Variants in ANO2 observed in about 807,000 individuals in gnomAD.
ANO2 encodes the protein anoctamin-2.
A neutral mutation model predicts 124.2 loss-of-function variants in ANO2; 101 were observed. The observed-to-expected ratio is 0.81, with a 90% CI of 0.69 to 0.96. The LOEUF (loss-of-function observed/expected upper bound fraction) is 0.96. ANO2 is among the 40% of genes least tolerant of loss of function. The probability of loss-of-function intolerance (pLI) is 0.00; values close to 1 mark genes in which losing one functional copy is unlikely to be tolerated. For synonymous variants in ANO2, 486 were observed against 482.5 expected (o/e 1.01, Z -0.09); for missense variants, 1,293 against 1,274.5 (o/e 1.01, Z -0.22).
intron 14 of ANO2, among the ~76,000 whole-genome samples, chr12:5,655,253 C>T (rs988878247): frequency 3.3e-5 from 5 of 152,034 alleles, no homozygotes; most frequent in African/African-American, 4.8e-5. Flanking sequence ...GAGAGATGTC[C>T]CTCCCTCTTG....
intron 10 of ANO2, among the ~76,000 whole-genome samples, chr12:5,786,055 C>T (rs1439415033): frequency 6.6e-6 from 1 of 151,294 alleles, no homozygotes; most frequent in African/African-American, 2.4e-5. Context: ...TGAGAGAAAT[C>T]CAGGGACTTG....
rs535798349 is a variant in ANO2 at position 5,593,546 on chromosome 12, C to T, written c.2233+5938G>A. Reference sequence around the variant, plus strand: ...TTTAATAATTAGGGCACAGCCTACACTCACAGTACAGGAAGAACCTCCAGA... The same window carrying T: ...TTTAATAATTAGGGCACAGCCTACATTCACAGTACAGGAAGAACCTCCAGA... On this transcript the variant is annotated intron_variant, in intron 20 of 24. Transcript: ENST00000682330. Among the ~76,000 whole-genome samples the T allele has an allele frequency of 9.2e-5, 14 of 152,312 alleles. No homozygotes were observed. In the South Asian group the frequency reaches 2.5e-3, roughly 27 times the overall value.
intron 14 of ANO2, among the ~76,000 whole-genome samples, chr12:5,683,195 CT>C: frequency 6.6e-6 from 1 of 152,326 alleles, no homozygotes; most frequent in Non-Finnish European, 1.5e-5. Context: ...CCATCTCCTT[CT>C]CTCTATTTAA....
intron 10 of ANO2, among the ~76,000 whole-genome samples, chr12:5,752,214 T>C (rs1270727698): frequency 1.3e-5 from 2 of 152,336 alleles, no homozygotes; most frequent in African/African-American, 4.8e-5. Flanking sequence ...ATGTTGACTT[T>C]AATTCCTTAA....
chr12:5,699,354 G>T (rs1424288884), intron 14 of ANO2, among the ~76,000 whole-genome samples: 1 of 151,888 alleles, frequency 6.6e-6, no homozygotes, highest in East Asian at 1.9e-4. Flanking sequence ...GCTTCATAAG[G>T]GAAGGAGACA....
chr12:5,626,839 T>C (rs78909821), intron 16 of ANO2, among the ~76,000 whole-genome samples: 5 of 152,126 alleles, frequency 3.3e-5, no homozygotes, highest in Non-Finnish European at 7.4e-5. Context: ...CCCAATTCCC[T>C]AGTGAGGGAG....
At chr12:5,778,076 TATAAC>T (rs1952281840) in intron 10 of ANO2, among the ~76,000 whole-genome samples, 1 of 152,240 alleles carries the variant, frequency 6.6e-6, no homozygotes, top group Non-Finnish European at 1.5e-5. Flanking sequence ...AATCCACTGT[TATAAC>T]AAAGCAGATT....
rs748400409 is a variant in ANO2 at position 5,732,592 on chromosome 12, C to A, written c.1473G>T (p.Glu491Asp). The A allele has an allele frequency of 5.6e-6, 9 of 1,613,932 alleles. No homozygotes were observed. Among genetic ancestry groups the A allele is most frequent in the Non-Finnish European group, 6.8e-6 (8 of 1,179,856 alleles). The change falls in exon 14 of 25, where the codon GAG becomes GAT. Residue 491 changes from glutamate to aspartate, a missense_variant. Coordinates refer to ENST00000682330, the MANE Select transcript of ANO2 (RefSeq NM_001364791.2). ...SRPEYETKVR[E>D]KMLKESNQSA... Reference sequence around the variant, plus strand: ...ACTGGTTGCTCTCCTTTAGCATTTTCTCTCGAACTTTGGTTTCATACTCAG... The same window carrying A: ...ACTGGTTGCTCTCCTTTAGCATTTTATCTCGAACTTTGGTTTCATACTCAG...
intron 4 of ANO2, among the ~76,000 whole-genome samples, chr12:5,834,342 G>A (rs1005105321): frequency 6.6e-6 from 1 of 152,222 alleles, no homozygotes; most frequent in African/African-American, 2.4e-5. Flanking sequence ...CTTCAATGCA[G>A]AGGGGCAGTA....
chr12:5,681,402 G>A (rs1389127689), intron 14 of ANO2, among the ~76,000 whole-genome samples: 2 of 152,154 alleles, frequency 1.3e-5, no homozygotes, highest in Non-Finnish European at 2.9e-5. Context: ...AGAAGATTTG[G>A]GGAAGGGCAG....
intron 16 of ANO2, 78 bp from the exon 17 acceptor site, chr12:5,615,375 ACTAT>A: frequency 9.4e-7 from 1 of 1,067,158 alleles, no homozygotes; most frequent in Non-Finnish European, 1.4e-6. Flanking sequence ...GACATGAGCT[ACTAT>A]CTCTCAGCTG....
At chr12:5,582,092 C>T (rs970651920) in intron 20 of ANO2, among the ~76,000 whole-genome samples, 2 of 152,216 alleles carry the variant, frequency 1.3e-5, no homozygotes, top group African/African-American at 2.4e-5. Context: ...TTTGCCAACA[C>T]CAAGATTTGT....
At chr12:5,760,705 C>G (rs1309806636) in intron 10 of ANO2, among the ~76,000 whole-genome samples, 2 of 152,178 alleles carry the variant, frequency 1.3e-5, no homozygotes, top group Non-Finnish European at 2.9e-5. Flanking sequence ...AGAAGGTCTT[C>G]TGGATATCTG....
At chr12:5,791,371 T>G (rs1591621661) in intron 10 of ANO2, among the ~76,000 whole-genome samples, 1 of 151,976 alleles carries the variant, frequency 6.6e-6, no homozygotes, top group South Asian at 2.1e-4. Context: ...ACAGAGGCCC[T>G]GAGAGTGATA....
At chr12:5,747,346 T>C (rs914296856) in intron 11 of ANO2, among the ~76,000 whole-genome samples, 8 of 152,216 alleles carry the variant, frequency 5.3e-5, no homozygotes, top group Admixed American at 2.0e-4. Flanking sequence ...TGCATTTCTT[T>C]AGATTCAATA....
At chr12:5,705,057 T>A (rs970919049) in intron 14 of ANO2, among the ~76,000 whole-genome samples, 2 of 152,212 alleles carry the variant, frequency 1.3e-5, no homozygotes, top group African/African-American at 2.4e-5. Flanking sequence ...CAACAAGGTT[T>A]CACTGAAAAA....
chr12:5,802,240 T>C (rs1027386545), intron 9 of ANO2, among the ~76,000 whole-genome samples: 10 of 152,230 alleles, frequency 6.6e-5, no homozygotes, highest in African/African-American at 2.2e-4. Flanking sequence ...TCTCTCACCA[T>C]GGTCTCTTCT....
chr12:5,761,231 A>C (rs1454913950), intron 10 of ANO2, among the ~76,000 whole-genome samples: 1 of 152,160 alleles, frequency 6.6e-6, no homozygotes, highest in Non-Finnish European at 1.5e-5. Context: ...CGTCTCTGAA[A>C]TGTAAATATC....
rs199659117 is a variant in ANO2, at chr12:5,816,413, GA to G, written c.893-9046del. Among the ~76,000 whole-genome samples, 41 of 152,046 alleles carry G rather than the reference GA, an allele frequency of 2.7e-4. No individual in the cohort carries two copies. The East Asian group carries it at 7.9e-3, about 29-fold the overall frequency. ...TTCATGGGCAGAAGTCAACCCACTGGAAATCTGGCCTTTGGGTTCTCCTCTG... is the reference window on the plus strand; with the variant it reads ...TTCATGGGCAGAAGTCAACCCACTGGAATCTGGCCTTTGGGTTCTCCTCTG... On this transcript the variant is annotated intron_variant, in intron 7 of 24. Transcript: ENST00000682330.
Sources: gnomAD v4.1 joint callset for allele counts (sites outside exome capture counted in the v4.1 genomes callset) on GRCh38, gnomAD v4.1.1 for gene constraint, MANE v1.5 for transcripts, NCBI Gene and HGNC (gene_info 2026-07-23, HGNC 2026-07-21) for gene names.